ERICH3: variants seen among roughly 807,000 people sequenced by gnomAD.
ERICH3 encodes the protein glutamate rich 3, also known as glutamate-rich protein 3.
A neutral mutation model predicts 131.1 loss-of-function variants in ERICH3; 126 were observed. The ratio of observed to expected loss-of-function variants is 0.96; its 90% CI spans 0.83 to 1.11. The LOEUF is 1.11. Among genes scored for constraint, ERICH3 ranks in the 50% most tolerant of loss-of-function variants. The pLI is 0.00. For missense variants in ERICH3, 2,050 were observed against 1,810.7 expected, an observed-to-expected ratio of 1.13 and a Z score of -2.40; for synonymous variants, 695 against 644.6, an observed-to-expected ratio of 1.08 and a Z score of -1.18.
rs970261337 is a variant in ERICH3, at chr1:74,666,648, A to C, written c.23+6849T>G. Among the ~76,000 whole-genome samples, 3 of 152,204 alleles carry C rather than the reference A, an allele frequency of 2.0e-5. No homozygotes were observed. In the South Asian group the frequency reaches 6.2e-4, roughly 31 times the overall value. On this transcript the variant is annotated intron_variant, in intron 1 of 14. Transcript: ENST00000326665. ...CTGGGACTTGTGTAAGAAGAGAGTG[A>C]TTTTAGAGCTTCTGGCCAGTGAAAG... is the stretch of plus-strand genomic sequence containing the variant.
chr1:74,595,640 C>T (rs892195434), intron 11 of ERICH3, among the ~76,000 whole-genome samples: 3 of 152,050 alleles, frequency 2.0e-5, no homozygotes, highest in Non-Finnish European at 2.9e-5. Context: ...ATTCAATCAG[C>T]CCTTCATTCA....
intron 1 of ERICH3, among the ~76,000 whole-genome samples, chr1:74,650,743 T>C (rs1646525638): frequency 6.6e-6 from 1 of 152,146 alleles, no homozygotes; most frequent in South Asian, 2.1e-4. Context: ...GTTGTTTATT[T>C]CTGGAATTTT....
chr1:74,613,424 T>C (rs1486751271), intron 8 of ERICH3, among the ~76,000 whole-genome samples: 2 of 152,200 alleles, frequency 1.3e-5, no homozygotes, highest in African/African-American at 4.8e-5. Context: ...GTTGGGGAGT[T>C]AGAGTTTGAA....
At chr1:74,584,120 C>A (rs1393842232) in intron 12 of ERICH3, among the ~76,000 whole-genome samples, 1 of 152,110 alleles carries the variant, frequency 6.6e-6, no homozygotes, top group African/African-American at 2.4e-5. Flanking sequence ...TGACAAAATT[C>A]ATGATTAACA....
rs962343190 is a variant in ERICH3 at position 74,646,798 on chromosome 1, A to T, written c.118-6T>A. On this transcript the variant is annotated splice_polypyrimidine_tract_variant and splice_region_variant and intron_variant, in intron 2 of 14. Coordinates refer to ENST00000326665, the MANE Select transcript of ERICH3 (RefSeq NM_001002912.5). ...ATTCTTCCACTTCTTGTGATCTGTC[A>T]TGAATAAATAAAATATACATAGAAA... The T allele has an allele frequency of 1.4e-6, 2 of 1,412,396 alleles. No individual in the cohort carries two copies. Among genetic ancestry groups the T allele is most frequent in the Admixed American group, 4.4e-5 (2 of 45,840 alleles). The allele number at this position is 1,412,396 out of a possible 1,614,324, so 87.5% of individuals were successfully genotyped here.
rs2100666057 is a variant in ERICH3 at position 74,673,546 on chromosome 1, C to T, written c.-27G>A. 2 of 1,609,648 alleles carry T rather than the reference C, an allele frequency of 1.2e-6. No homozygotes were observed. Among genetic ancestry groups the T allele is most frequent in the Non-Finnish European group, 1.7e-6 (2 of 1,178,342 alleles). On this transcript the variant is annotated 5_prime_UTR_variant, in exon 1 of 15. Coordinates refer to ENST00000326665, the MANE Select transcript of ERICH3 (RefSeq NM_001002912.5). ...TTTGCAGGATCCCTTTTGGACCCCG[C>T]GGCAGGTGCGGAGGGTGGGTGCGTG...
chr1:74,646,811 A>G lies in ERICH3; in HGVS notation c.118-19T>C, dbSNP rs1646488318. The G allele has an allele frequency of 7.4e-7, 1 of 1,349,548 alleles. No homozygotes were observed. The highest frequency in any genetic ancestry group is 2.6e-5 in the East Asian group (1 of 38,492). The allele number at this position is 1,349,548 out of a possible 1,614,324, so 83.6% of individuals were successfully genotyped here. A position where few individuals can be genotyped will look rare whatever the true frequency, so the allele number is the denominator to read the frequency against. ...TTGTGATCTGTCATGAATAAATAAA[A>G]TATACATAGAAATATAAAATAGAAA... On this transcript the variant is annotated intron_variant, in intron 2 of 14. Transcript: ENST00000326665.
intron 7 of ERICH3, chr1:74,625,684 C>A (rs1165985885): frequency 1.3e-5 from 2 of 152,168 alleles, no homozygotes; most frequent in African/African-American, 4.8e-5. Context: ...TTGGTAACCT[C>A]AGGACCTAGC....
chr1:74,663,533 G>A (rs1217049986), intron 1 of ERICH3, among the ~76,000 whole-genome samples: 1 of 151,450 alleles, frequency 6.6e-6, no homozygotes, highest in Non-Finnish European at 1.5e-5. Flanking sequence ...CTATAGCAAG[G>A]CATGTCCATT....
Position 74,599,692 on chromosome 1 carries a change from C to G in ERICH3, c.1726+3G>C, listed in dbSNP as rs146425012. ...ATGTTACATGATAAGCTGAACAACT[C>G]GCCTTGTTTATCCTCTTCCAGTTCA... is the stretch of plus-strand genomic sequence containing the variant. On this transcript the variant is annotated splice_donor_region_variant and intron_variant, in intron 11 of 14. Coordinates refer to ENST00000326665, the MANE Select transcript of ERICH3 (RefSeq NM_001002912.5). The G allele has an allele frequency of 6.3e-7, 1 of 1,597,072 alleles. No homozygotes were observed. Among genetic ancestry groups the G allele is most frequent in the African/African-American group, 1.4e-5 (1 of 73,880 alleles).
intron 10 of ERICH3, among the ~76,000 whole-genome samples, chr1:74,604,596 A>G (rs1300722537): frequency 6.6e-6 from 1 of 151,972 alleles, no homozygotes; most frequent in Admixed American, 6.6e-5. Flanking sequence ...ATGTTGTGTT[A>G]GCAGGCGTGA....
At chr1:74,610,176 C>A (rs79965808) in intron 9 of ERICH3, among the ~76,000 whole-genome samples, 2,517 of 151,906 alleles carry the variant, frequency 0.017, 85 homozygotes, top group African/African-American at 0.058. Flanking sequence ...CCCCTAAGTA[C>A]AGCTGGGCAT....
chr1:74,649,518 A>C (rs999661243), intron 1 of ERICH3, among the ~76,000 whole-genome samples: 7 of 152,134 alleles, frequency 4.6e-5, no homozygotes, highest in Admixed American at 1.3e-4. Flanking sequence ...TCCTGATTTT[A>C]ATTATTCCAC....
chr1:74,592,213 A>T (rs1418433490), intron 11 of ERICH3: 5 of 152,136 alleles, frequency 3.3e-5, no homozygotes, highest in Admixed American at 1.3e-4. Context: ...ACACCAGATG[A>T]CCACTATTTT....
rs1012137184 is a variant in ERICH3, at chr1:74,569,661, T to A, written c.*797A>T. On this transcript the variant is annotated 3_prime_UTR_variant, in exon 15 of 15. Transcript: ENST00000326665. Reference sequence around the variant, plus strand: ...TTACCACTATAATTATTATACTTATTCCACTTAGCTAAATTATTTACTACT... The same window carrying A: ...TTACCACTATAATTATTATACTTATACCACTTAGCTAAATTATTTACTACT... The A allele has an allele frequency of 6.6e-6, 1 of 152,158 alleles. No individual in the cohort carries two copies. Among genetic ancestry groups the A allele is most frequent in the African/African-American group, 2.4e-5 (1 of 41,442 alleles). The allele number at this position is 152,158 out of a possible 1,614,324, so 9.4% of individuals were successfully genotyped here. A position where few individuals can be genotyped will look rare whatever the true frequency, so the allele number is the denominator to read the frequency against.
At chr1:74,665,120 A>G (rs1445877484) in intron 1 of ERICH3, among the ~76,000 whole-genome samples, 1 of 151,682 alleles carries the variant, frequency 6.6e-6, no homozygotes, top group Non-Finnish European at 1.5e-5. Context: ...TAAAAAAGAG[A>G]CCTCAGAAAG....
chr1:74,620,219 A>G (rs576602159), intron 8 of ERICH3, among the ~76,000 whole-genome samples: 1 of 152,332 alleles, frequency 6.6e-6, no homozygotes, highest in Non-Finnish European at 1.5e-5. Context: ...ATGCTGACAA[A>G]CGTGGATTTA....
chr1:74,580,054 T>C (rs528872457), intron 12 of ERICH3: 28 of 283,144 alleles, frequency 9.9e-5, no homozygotes, highest in African/African-American at 6.2e-4. Context: ...TCCCTAAATA[T>C]GGAGACAGTA....
Position 74,589,917 on chromosome 1 carries a change from T to C in ERICH3, c.1890A>G (p.Arg630=). 2 of 1,614,100 alleles carry C rather than the reference T, an allele frequency of 1.2e-6. No homozygotes were observed. The highest frequency in any genetic ancestry group is 1.1e-5 in the South Asian group (1 of 91,088). The stretch of plus-strand genomic sequence containing the variant: ...ATTCCTCAATTGGAAGGTGAGACTT[T>C]CTTGGCTTATCATTTTCACTCAGTT... ...SQELSENDKP[R]KSHLPIEESL... is the part of the protein sequence containing the mutation. The change falls in exon 12 of 15, where the codon AGA becomes AGG. Residue 630 remains arginine (R), a synonymous_variant. Transcript: ENST00000326665.
Sources: allele counts gnomAD v4.1 joint callset (sites outside exome capture counted in the v4.1 genomes callset), GRCh38; gene constraint gnomAD v4.1.1; transcripts MANE v1.5; gene names NCBI Gene and HGNC (gene_info 2026-07-23, HGNC 2026-07-21).